MEF2B: variants seen among roughly 807,000 people sequenced by gnomAD.
The protein encoded by MEF2B is myocyte-specific enhancer factor 2B.
Under a neutral mutation model 32.2 loss-of-function variants are expected in MEF2B, and 15 were observed. That is an observed-to-expected ratio of 0.47 (90% CI 0.31 to 0.72). MEF2B has a LOEUF of 0.72. Among genes scored for constraint, MEF2B ranks in the 30% least tolerant of loss-of-function variants. The pLI is 0.05. For synonymous variants in MEF2B, 205 were observed against 225.6 expected (o/e 0.91, Z 0.82); for missense variants, 441 against 511.5 (o/e 0.86, Z 1.33).
At chr19:19,160,159 G>C (rs151185839) in intron 1 of MEF2B, among the ~76,000 whole-genome samples, 1 of 151,730 alleles carries the variant, frequency 6.6e-6, no homozygotes, top group South Asian at 2.1e-4. Flanking sequence ...TGGTAGAGGC[G>C]GGGTTTCAGC....
rs1433057191 is a variant in MEF2B, at chr19:19,145,608, C to G, written c.*189G>C. 1 of 1,351,440 alleles carries G rather than the reference C, an allele frequency of 7.4e-7. No individual in the cohort carries two copies. The highest frequency in any genetic ancestry group is 2.6e-5 in the East Asian group (1 of 38,700). 83.7% of individuals were successfully genotyped at this position (1,351,440 alleles called of 1,614,324 possible). Reference sequence around the variant, plus strand: ...CACGCGCGTTTTATTTGTGGATATACACACAAATAGGAAGAAGGAAAGGAG... The same window carrying G: ...CACGCGCGTTTTATTTGTGGATATAGACACAAATAGGAAGAAGGAAAGGAG... On this transcript the variant is annotated 3_prime_UTR_variant, in exon 9 of 9. Transcript: ENST00000424583. The surrounding 1 kb of genome is among the most constrained non-coding windows in gnomAD (Gnocchi z 4.6).
chr19:19,149,253 C>T lies in MEF2B; in HGVS notation c.231G>A (p.Glu77=), dbSNP rs1429980331. ...LKYTEYSEPH[E]SRTNTDILET... ...CGAGGATGTCAGTGTTGGTGCGGCT[C>T]TCGTGGGGCTCGCTGTACTCTGTGT... Residue 77 remains glutamate, a synonymous_variant, in exon 3 of 9, where the codon GAG becomes GAA. Transcript: ENST00000424583. The T allele has an allele frequency of 1.9e-6, 3 of 1,613,882 alleles. No individual in the cohort carries two copies. Among genetic ancestry groups the T allele is most frequent in the Non-Finnish European group, 2.5e-6 (3 of 1,179,996 alleles).
intron 1 of MEF2B, among the ~76,000 whole-genome samples, chr19:19,163,596 G>A (rs1468308242): frequency 1.3e-5 from 2 of 152,050 alleles, no homozygotes; most frequent in African/African-American, 2.4e-5. Context: ...TTGAATCAAC[G>A]ACCAAACAAC....
chr19:19,162,194 C>T (rs567243627), intron 1 of MEF2B, among the ~76,000 whole-genome samples: 45 of 152,290 alleles, frequency 3.0e-4, no homozygotes, highest in African/African-American at 1.1e-3. Flanking sequence ...TCATAGCTCA[C>T]TGCAGCCTCC....
chr19:19,145,980 G>T lies in MEF2B; in HGVS notation c.924C>A (p.Gly308=). The stretch of plus-strand genomic sequence containing the variant: ...TGACTGGGGGGGTCGGCGGGGAGGC[G>T]CCGCGGGTTGGGGGACCCTCCTCGC... ...SLGEEGPPTR[G]ASPPTPPVSI... Residue 308 remains glycine, a synonymous_variant, in exon 9 of 9, where the codon GGC becomes GGA. Coordinates refer to ENST00000424583, the MANE Select transcript of MEF2B (RefSeq NM_001145785.2). The surrounding 1 kb of genome is among the most constrained non-coding windows in gnomAD (Gnocchi z 4.6). The T allele has an allele frequency of 7.0e-7, 1 of 1,436,244 alleles. No individual in the cohort carries two copies. The highest frequency in any genetic ancestry group is 9.1e-7 in the Non-Finnish European group (1 of 1,097,368). 89.0% of individuals were successfully genotyped at this position (1,436,244 alleles called of 1,614,324 possible).
intron 3 of MEF2B, 115 bp downstream of exon 3, chr19:19,149,111 T>C (rs2060051944): frequency 1.5e-6 from 2 of 1,354,446 alleles, no homozygotes; most frequent in African/African-American, 2.9e-5. Flanking sequence ...ATAAAGCACG[T>C]CAGCCACAAA....
At chr19:19,147,597 A>G in intron 4 of MEF2B, 101 bp downstream of exon 4, 2 of 1,545,958 alleles carry the variant, frequency 1.3e-6, no homozygotes, top group Non-Finnish European at 1.7e-6. Flanking sequence ...TCCAAACTCT[A>G]GGATCCCTGG....
In MEF2B at chr19:19,146,557, G is replaced by T. The variant is rs2146350202; in HGVS notation, c.767C>A (p.Pro256Gln). Residue 256 changes from proline (P) to glutamine (Q), a missense_variant and splice_region_variant, in exon 7 of 9, where the codon CCA becomes CAA. Pro to Gln is a moderately conservative substitution (Grantham distance 76). This residue lies in a region of MEF2B where 326 missense variants were observed against 328.4 expected (regional missense o/e 0.99). Transcript: ENST00000424583. ...GCAGGGCAGGTTAGGGGATGTACCT[G>T]GGGGGCCTCCGGGGAGGAAGGGGAA... The part of the protein sequence containing the change: ...GSFPFLPGGP[P>Q]EYGLGDPPPP... 1 of 1,561,948 alleles carries T rather than the reference G, an allele frequency of 6.4e-7. No homozygotes were observed. The highest frequency in any genetic ancestry group is 8.6e-7 in the Non-Finnish European group (1 of 1,156,234).
chr19:19,156,028 T>C (rs2060118023), intron 1 of MEF2B, among the ~76,000 whole-genome samples: 1 of 151,938 alleles, frequency 6.6e-6, no homozygotes, highest in Non-Finnish European at 1.5e-5. Flanking sequence ...AGGCATGTAG[T>C]TGGATGTAGA....
chr19:19,160,572 C>T (rs1432199810), intron 1 of MEF2B, among the ~76,000 whole-genome samples: 1 of 138,628 alleles, frequency 7.2e-6, no homozygotes, highest in Non-Finnish European at 1.5e-5. Flanking sequence ...AGGGAGGCCA[C>T]GGCTTGGCAG....
intron 1 of MEF2B, among the ~76,000 whole-genome samples, chr19:19,166,373 A>C (rs1466899935): frequency 6.6e-6 from 1 of 152,090 alleles, no homozygotes; most frequent in African/African-American, 2.4e-5. Context: ...ATGGGATTTA[A>C]CTTCCTTGCC....
intron 1 of MEF2B, among the ~76,000 whole-genome samples, chr19:19,160,759 A>G (rs892176053): frequency 2.0e-5 from 3 of 151,990 alleles, no homozygotes; most frequent in Non-Finnish European, 4.4e-5. Context: ...CCTGCTCCCC[A>G]AGTACCTCAT....
chr19:19,170,233 G>A lies in MEF2B; in HGVS notation c.-58C>T, dbSNP rs1371510758. On this transcript the variant is annotated 5_prime_UTR_variant, in exon 1 of 9. Coordinates refer to ENST00000424583, the MANE Select transcript of MEF2B (RefSeq NM_001145785.2). ...CTCGGCCTGGGCCCTGGGACGCTGG[G>A]CGCACGGACCCGCGGCGGCTGCACG... 7.5e-6 allele frequency: 3 copies of A among 398,524 alleles called. No individual in the cohort carries two copies. The East Asian group carries it at 1.1e-4, about 14-fold the overall frequency. 24.7% of individuals were successfully genotyped at this position (398,524 alleles called of 1,614,324 possible). A position where few individuals can be genotyped will look rare whatever the true frequency, so the allele number is the denominator to read the frequency against.
intron 1 of MEF2B, among the ~76,000 whole-genome samples, chr19:19,154,873 C>T (rs753374395): frequency 3.3e-5 from 5 of 152,194 alleles, no homozygotes; most frequent in Admixed American, 3.3e-4. Context: ...GGGCTGTGTC[C>T]GTCTTGACAG....
In MEF2B at chr19:19,147,333, C is replaced by T; in HGVS notation, c.394-150G>A. ...CACCAGGCTCCCTACCTGCTCCTCCCCCTGCCCTAACCCTACAGGCTGGGG... is the reference window on the plus strand; with the variant it reads ...CACCAGGCTCCCTACCTGCTCCTCCTCCTGCCCTAACCCTACAGGCTGGGG... On this transcript the variant is annotated intron_variant, in intron 4 of 8. Transcript: ENST00000424583. The T allele has an allele frequency of 3.3e-6, 3 of 901,444 alleles. 1 individual carries two copies. The highest frequency in any genetic ancestry group is 2.1e-5 in the South Asian group (1 of 46,964). The allele number at this position is 901,444 out of a possible 1,614,324, so 55.8% of individuals were successfully genotyped here.
rs2060061102 is a variant in MEF2B, at chr19:19,150,110, AGGATGGAAGGAG to A, written c.54+560_54+571del. 7.7e-5 allele frequency among the ~76,000 whole-genome samples: 10 copies of A among 129,262 alleles called. No homozygotes were observed. The South Asian group carries it at 3.0e-3, about 38-fold the overall frequency. The allele number at this position is 129,262 out of a possible 152,430, so 84.8% of individuals were successfully genotyped here. A position where few individuals can be genotyped will look rare whatever the true frequency, so the allele number is the denominator to read the frequency against. On this transcript the variant is annotated intron_variant, in intron 2 of 8. Transcript: ENST00000424583. ...AAAAAAAAAAAAAAAAAAAAAAGGA[AGGATGGAAGGAG>A]GGATGGAAGGAAGGAGGGAAGGAGG... is the stretch of plus-strand genomic sequence containing the variant.
chr19:19,164,310 A>T (rs1053549652), intron 1 of MEF2B, among the ~76,000 whole-genome samples: 1 of 152,106 alleles, frequency 6.6e-6, no homozygotes, highest in Non-Finnish European at 1.5e-5. Flanking sequence ...CAACAAATTT[A>T]AGGCCCCATC....
chr19:19,167,858 C>G (rs1354288016), intron 1 of MEF2B, among the ~76,000 whole-genome samples: 1 of 152,156 alleles, frequency 6.6e-6, no homozygotes, highest in Non-Finnish European at 1.5e-5. Context: ...TCTTGGGGGA[C>G]TGAGGCATGG....
intron 2 of MEF2B, 45 bp downstream of exon 2, chr19:19,150,637 G>C: frequency 6.2e-7 from 1 of 1,612,796 alleles, no homozygotes. Flanking sequence ...CATGCCCCCT[G>C]CTAGGAATGT....
Sources: gnomAD v4.1 joint callset for allele counts (sites outside exome capture counted in the v4.1 genomes callset) on GRCh38, gnomAD v4.1.1 for gene constraint, gnomAD v4.1.1 regional missense constraint, Gnocchi (gnomAD v3.1) non-coding constraint, MANE v1.5 for transcripts, NCBI Gene and HGNC (gene_info 2026-07-23, HGNC 2026-07-21) for gene names.